Variants in TXNDC16 observed in about 807,000 individuals in gnomAD.
TXNDC16 encodes thioredoxin domain containing 16, also known as thioredoxin domain-containing protein 16.
A neutral mutation model predicts 85.6 loss-of-function variants in TXNDC16; 74 were observed. The observed-to-expected ratio is 0.86, with a 90% CI of 0.72 to 1.05. The LOEUF (loss-of-function observed/expected upper bound fraction) is 1.05, where lower values mean the gene tolerates loss of function less well. Ranked by LOEUF, TXNDC16 falls within the 50% of genes least tolerant of loss-of-function variation. The pLI is 0.00. For missense variants in TXNDC16, 959 were observed against 947.0 expected (o/e 1.01, Z -0.17); for synonymous variants, 335 against 326.5 (o/e 1.03, Z -0.28).
Position 52,455,335 on chromosome 14 carries a change from G to C in TXNDC16, c.1831C>G (p.Leu611Val). 8 of 1,613,554 alleles carry C rather than the reference G, an allele frequency of 5.0e-6. No individual in the cohort carries two copies. The highest frequency in any genetic ancestry group is 6.8e-6 in the Non-Finnish European group (8 of 1,179,734). ...TAAAACATACTCACAAACATTTCCA[G>C]TAGTGCATCTGTTATTATTTGAACT... ...DIVQIITDAL[L>V]EMFPEITVEN... Residue 611 changes from leucine (L) to valine (V), a missense_variant, in exon 18 of 21, where the codon CTG (leucine) becomes GTG (valine). Coordinates refer to ENST00000281741, the MANE Select transcript of TXNDC16 (RefSeq NM_020784.3).
chr14:52,444,455 C>G (rs983670516), intron 18 of TXNDC16, among the ~76,000 whole-genome samples: 2 of 152,150 alleles, frequency 1.3e-5, no homozygotes, highest in African/African-American at 4.8e-5. Flanking sequence ...AAAAAATCTT[C>G]ACCCTCTGGT....
At chr14:52,455,867 T>G (rs1426246539) in intron 17 of TXNDC16, among the ~76,000 whole-genome samples, 1 of 152,210 alleles carries the variant, frequency 6.6e-6, no homozygotes, top group Non-Finnish European at 1.5e-5. Flanking sequence ...ATTTCAATTA[T>G]GTTTTTATTT....
chr14:52,549,629 ATTTTT>A (rs748701260), intron 1 of TXNDC16, among the ~76,000 whole-genome samples: 1 of 132,984 alleles, frequency 7.5e-6, no homozygotes, highest in African/African-American at 2.8e-5. Flanking sequence ...AACAGTTCTG[ATTTTT>A]TTTTTTTTTT....
At chr14:52,519,332 T>C (rs974634886) in intron 6 of TXNDC16, 39 bp from the exon 7 acceptor site, 4 of 1,507,446 alleles carry the variant, frequency 2.7e-6, no homozygotes, top group African/African-American at 2.8e-5. Context: ...AAAAATCTGA[T>C]ATGTATTTAG....
intron 9 of TXNDC16, among the ~76,000 whole-genome samples, chr14:52,503,566 CA>C (rs1173723702): frequency 9.9e-5 from 15 of 152,160 alleles, no homozygotes; most frequent in Admixed American, 2.6e-4. Flanking sequence ...ACCAAAACCC[CA>C]TCTGTATATC....
intron 20 of TXNDC16, among the ~76,000 whole-genome samples, chr14:52,433,681 A>G (rs1352140867): frequency 6.6e-6 from 1 of 152,220 alleles, no homozygotes; most frequent in Non-Finnish European, 1.5e-5. Context: ...CTCATACTCA[A>G]CTATATGAAA....
At chr14:52,456,744 G>A (rs1308189835) in intron 17 of TXNDC16, among the ~76,000 whole-genome samples, 2 of 151,988 alleles carry the variant, frequency 1.3e-5, no homozygotes, top group African/African-American at 4.8e-5. Context: ...CCCACCCAGG[G>A]GGTAAATAAA....
intron 17 of TXNDC16, among the ~76,000 whole-genome samples, chr14:52,456,283 C>G (rs1013143866): frequency 6.6e-6 from 1 of 152,168 alleles, no homozygotes; most frequent in African/African-American, 2.4e-5. Flanking sequence ...ACTGGTCTAG[C>G]TCTTTGGACC....
chr14:52,508,558 A>G (rs2036872562), intron 9 of TXNDC16, among the ~76,000 whole-genome samples: 1 of 152,208 alleles, frequency 6.6e-6, no homozygotes, highest in African/African-American at 2.4e-5. Context: ...CAGCAATCCC[A>G]TTACTGGGTA....
intron 4 of TXNDC16, among the ~76,000 whole-genome samples, chr14:52,539,178 A>C (rs2037772622): frequency 6.6e-6 from 1 of 152,218 alleles, no homozygotes; most frequent in Non-Finnish European, 1.5e-5. Flanking sequence ...TAAGTCCTAT[A>C]AATAAAAAAA....
chr14:52,506,643 G>A (rs10151329), intron 9 of TXNDC16, among the ~76,000 whole-genome samples: 17,964 of 131,880 alleles, frequency 0.14, 2,103 homozygotes, highest in African/African-American at 0.24. Context: ...TGCAAGCTCC[G>A]CTTCCCGGGT....
intron 20 of TXNDC16, among the ~76,000 whole-genome samples, chr14:52,433,549 A>G (rs1478432218): frequency 6.6e-6 from 1 of 152,228 alleles, no homozygotes; most frequent in Non-Finnish European, 1.5e-5. Flanking sequence ...TAAATTGAGT[A>G]TCTTTAAGAG....
intron 6 of TXNDC16, among the ~76,000 whole-genome samples, chr14:52,530,406 A>AATAATATAATATAT (rs1555342574): frequency 2.4e-4 from 1 of 4,230 alleles, no homozygotes; most frequent in Admixed American, 6.4e-3. Context: ...TATAATATAT[A>AATAATATAATATAT]ATTATTATAT....
intron 16 of TXNDC16, chr14:52,462,737 G>A (rs1440025336): frequency 5.7e-6 from 2 of 353,028 alleles, no homozygotes; most frequent in Non-Finnish European, 1.1e-5. Context: ...CCTAATTAGA[G>A]AGTCCTCATT....
intron 20 of TXNDC16, among the ~76,000 whole-genome samples, chr14:52,438,591 T>G (rs2132360): frequency 0.11 from 16,041 of 152,262 alleles, 1,015 homozygotes; most frequent in East Asian, 0.19. Context: ...AACATAACTT[T>G]TATATATACT....
In TXNDC16 at chr14:52,490,975, A is replaced by C; in HGVS notation, c.787T>G (p.Ser263Ala). The C allele has an allele frequency of 1.2e-6, 2 of 1,602,306 alleles. No homozygotes were observed. The highest frequency in any genetic ancestry group is 1.7e-6 in the Non-Finnish European group (2 of 1,176,558). The change falls in exon 10 of 21, where the codon TCA (serine) becomes GCA (alanine). Residue 263 changes from serine to alanine, a missense_variant. Coordinates refer to ENST00000281741, the MANE Select transcript of TXNDC16 (RefSeq NM_020784.3). ...TEVAEDPQQV[S>A]TVHLQLGLPL... ...AAGCCCAGTTGGAGATGGACAGTTG[A>C]AACTTGTTGAGGATCTTCAGCAACT...
intron 9 of TXNDC16, among the ~76,000 whole-genome samples, chr14:52,505,358 A>G (rs904337151): frequency 2.0e-5 from 3 of 151,464 alleles, no homozygotes; most frequent in Non-Finnish European, 4.4e-5. Context: ...AACAGAAATT[A>G]TAACTGTCTC....
At chr14:52,527,289 T>A (rs2037358693) in intron 6 of TXNDC16, among the ~76,000 whole-genome samples, 1 of 152,266 alleles carries the variant, frequency 6.6e-6, no homozygotes. Context: ...CAGGATCTGA[T>A]ACTATCTTCA....
At chr14:52,501,637 C>T (rs920954960) in intron 9 of TXNDC16, among the ~76,000 whole-genome samples, 6 of 152,112 alleles carry the variant, frequency 3.9e-5, no homozygotes, top group Non-Finnish European at 8.8e-5. Flanking sequence ...CCTATGAAGT[C>T]GGCTACTAAT....
Sources: allele counts gnomAD v4.1 joint callset (sites outside exome capture counted in the v4.1 genomes callset), GRCh38; gene constraint gnomAD v4.1.1; transcripts MANE v1.5; gene names NCBI Gene and HGNC (gene_info 2026-07-23, HGNC 2026-07-21).